The following RBM19 variants were observed in gnomAD, a reference collection of about 807,000 sequenced individuals.
RBM19 encodes the protein RNA binding motif protein 19.
In RBM19, 94 loss-of-function variants were observed where a neutral mutation model predicts 116.8. The ratio of observed to expected loss-of-function variants is 0.80; its 90% CI spans 0.68 to 0.95. The LOEUF is 0.95. Among genes scored for constraint, RBM19 ranks in the 40% least tolerant of loss-of-function variants. RBM19 has a pLI of 0.00. For synonymous variants in RBM19, 475 were observed against 494.1 expected, an observed-to-expected ratio of 0.96 and a Z score of 0.51; for missense variants, 1,161 against 1,220.7, an observed-to-expected ratio of 0.95 and a Z score of 0.73.
Position 113,955,184 on chromosome 12 carries a change from G to T in RBM19, c.868C>A (p.Pro290Thr), listed in dbSNP as rs1478858894. 1 of 1,614,162 alleles carries T rather than the reference G, an allele frequency of 6.2e-7. No homozygotes were observed. Among genetic ancestry groups the T allele is most frequent in the South Asian group, 1.1e-5 (1 of 91,078 alleles). Residue 290 changes from proline to threonine, a missense_variant, in exon 7 of 24, where the codon CCC becomes ACC. Transcript: ENST00000261741. ...AGCTTCACGGTGTGGCAGGTGGTGG[G>T]TTCCTTCTGGTTTGCTGGTTTCTCT... ...ETEKPANQKE[P>T]TTCHTVKLRG...
intron 23 of RBM19, among the ~76,000 whole-genome samples, chr12:113,836,722 G>A (rs1021807054): frequency 1.5e-4 from 23 of 151,974 alleles, no homozygotes; most frequent in Admixed American, 7.9e-4. Flanking sequence ...GCTATGCCAT[G>A]GAGACAAGGG....
chr12:113,821,143 C>T (rs967560706), downstream of RBM19, among the ~76,000 whole-genome samples: 33 of 152,246 alleles, frequency 2.2e-4, no homozygotes, highest in Middle Eastern at 3.4e-3. Flanking sequence ...TGGACTGTTA[C>T]GGAGCCCAGG....
intron 14 of RBM19, among the ~76,000 whole-genome samples, chr12:113,941,184 T>C (rs1474715933): frequency 1.3e-5 from 2 of 152,330 alleles, no homozygotes; most frequent in East Asian, 1.9e-4. Flanking sequence ...ACCCATCTTA[T>C]AGAGGCCACA....
intron 21 of RBM19, among the ~76,000 whole-genome samples, chr12:113,893,281 GA>G (rs747142283): frequency 1.3e-5 from 2 of 152,098 alleles, no homozygotes; most frequent in Non-Finnish European, 2.9e-5. Context: ...AAAGTTCTGG[GA>G]TTACAGGTGT....
chr12:113,909,047 G>T (rs991959870), intron 21 of RBM19, among the ~76,000 whole-genome samples: 19 of 152,204 alleles, frequency 1.2e-4, no homozygotes, highest in African/African-American at 4.3e-4. Flanking sequence ...AGGACCGCAG[G>T]ACAGGCTGAG....
chr12:113,841,213 C>T (rs982240145), intron 23 of RBM19, among the ~76,000 whole-genome samples: 1 of 152,126 alleles, frequency 6.6e-6, no homozygotes, highest in South Asian at 2.1e-4. Flanking sequence ...ATGCACATAA[C>T]AGGGCCTTCT....
intron 22 of RBM19, among the ~76,000 whole-genome samples, chr12:113,850,848 C>T (rs182283664): frequency 7.2e-5 from 11 of 152,336 alleles, no homozygotes; most frequent in African/African-American, 9.6e-5. Flanking sequence ...CTAACAAGGA[C>T]GACATCAACC....
At chr12:113,846,612 C>T (rs764983952) in intron 22 of RBM19, among the ~76,000 whole-genome samples, 4 of 152,124 alleles carry the variant, frequency 2.6e-5, no homozygotes, top group Non-Finnish European at 4.4e-5. Flanking sequence ...TCCCCAGCAG[C>T]CAGGGGAGAG....
chr12:113,837,093 A>C (rs1876012342), intron 23 of RBM19, among the ~76,000 whole-genome samples: 1 of 146,780 alleles, frequency 6.8e-6, no homozygotes, highest in African/African-American at 2.7e-5. Flanking sequence ...ATACATACAT[A>C]CATACATACA....
chr12:113,905,334 G>A (rs1433000369), intron 21 of RBM19, among the ~76,000 whole-genome samples: 1 of 152,188 alleles, frequency 6.6e-6, no homozygotes, highest in African/African-American at 2.4e-5. Flanking sequence ...CAAAATCAAT[G>A]CTGCAGAGGG....
intron 23 of RBM19, among the ~76,000 whole-genome samples, chr12:113,837,524 G>A (rs1325186026): frequency 6.6e-6 from 1 of 152,220 alleles, no homozygotes; most frequent in East Asian, 1.9e-4. Flanking sequence ...TCCTTCCCTT[G>A]GAGCCCCACC....
At chr12:113,965,134 T>G (rs117139141) in intron 1 of RBM19, among the ~76,000 whole-genome samples, 6,444 of 151,298 alleles carry the variant, frequency 0.043, 334 homozygotes, top group Admixed American at 0.16. Flanking sequence ...TTAGTCGGGC[T>G]TGGTGGCGCG....
chr12:113,823,362 C>T (rs761813750), intron 23 of RBM19, 41 bp from the exon 24 acceptor site: 29 of 1,572,154 alleles, frequency 1.8e-5, no homozygotes, highest in Middle Eastern at 1.7e-4. Context: ...AAAGAACAGC[C>T]GAGAGGGTTG....
At chr12:113,866,019 C>T (rs1414100406) in intron 21 of RBM19, among the ~76,000 whole-genome samples, 1 of 152,200 alleles carries the variant, frequency 6.6e-6, no homozygotes, top group Admixed American at 6.5e-5. Flanking sequence ...GATGTTTTCT[C>T]TCCCGCAGAA....
At chr12:113,896,354 C>A (rs1881324598) in intron 21 of RBM19, among the ~76,000 whole-genome samples, 2 of 152,186 alleles carry the variant, frequency 1.3e-5, no homozygotes, top group Non-Finnish European at 2.9e-5. Flanking sequence ...GTGCTTAGAG[C>A]TCCAGGGAAT....
intron 21 of RBM19, among the ~76,000 whole-genome samples, chr12:113,890,425 C>T (rs1044665733): frequency 7.9e-5 from 12 of 152,170 alleles, no homozygotes; most frequent in African/African-American, 1.7e-4. Context: ...CAATCGGAGG[C>T]GATGGCAGCC....
At chr12:113,957,632 G>C (rs1872064351) in intron 6 of RBM19, 150 bp downstream of exon 6, 7 of 1,221,664 alleles carry the variant, frequency 5.7e-6, no homozygotes, top group Non-Finnish European at 7.3e-6. Flanking sequence ...CACACGGCGA[G>C]CAAGCGGCAG....
At chr12:113,817,056 T>G (rs1272341235), downstream of RBM19, 1 of 152,226 alleles carries the variant, frequency 6.6e-6, no homozygotes, top group East Asian at 1.9e-4. Flanking sequence ...AAAGCCTGCG[T>G]GCTCTGCTCA....
intron 15 of RBM19, among the ~76,000 whole-genome samples, chr12:113,939,229 C>T (rs1032011971): frequency 1.3e-5 from 2 of 151,744 alleles, no homozygotes; most frequent in Non-Finnish European, 1.5e-5. Flanking sequence ...TTGCTTGAGC[C>T]CCAGAGTTCA....
Sources: allele counts gnomAD v4.1 joint callset (sites outside exome capture counted in the v4.1 genomes callset), GRCh38; gene constraint gnomAD v4.1.1; transcripts MANE v1.5; gene names NCBI Gene and HGNC (gene_info 2026-07-23, HGNC 2026-07-21).